The following FAM229B variants were observed in gnomAD, a reference collection of about 807,000 sequenced individuals.
FAM229B encodes family with sequence similarity 229 member B, also known as protein FAM229B.
FAM229B carries 2 observed loss-of-function variants against 6.7 expected under a neutral mutation model. The ratio of observed to expected loss-of-function variants is 0.30; its 90% CI spans 0.12 to 0.94. The LOEUF (loss-of-function observed/expected upper bound fraction) is 0.94, where lower values mean the gene tolerates loss of function less well. FAM229B is among the 40% of genes least tolerant of loss of function. FAM229B has a pLI of 0.54. For synonymous variants in FAM229B, 29 were observed against 34.0 expected, an observed-to-expected ratio of 0.85 and a Z score of 0.51; for missense variants, 93 against 96.2, an observed-to-expected ratio of 0.97 and a Z score of 0.14.
At chr6:112,091,020 AG>A (rs1777250763) in intron 1 of FAM229B, among the ~76,000 whole-genome samples, 1 of 151,626 alleles carries the variant, frequency 6.6e-6, no homozygotes, top group African/African-American at 2.4e-5. Context: ...CCCACCCTCC[AG>A]CTTTGCTACC....
At chr6:112,099,442 T>C (rs1777367740) in intron 3 of FAM229B, 34 bp downstream of exon 3, 5 of 1,582,968 alleles carry the variant, frequency 3.2e-6, no homozygotes, top group Non-Finnish European at 4.3e-6. Context: ...TGAGGAGATA[T>C]GTATTGGCTA....
rs782802532 is a variant in FAM229B at position 112,100,777 on chromosome 6, A to G, written c.233A>G (p.His78Arg). 1.9e-5 allele frequency: 31 copies of G among 1,611,600 alleles called. No homozygotes were observed. The highest frequency in any genetic ancestry group is 2.5e-5 in the Non-Finnish European group (30 of 1,177,832). ...CCTGCACAAAGCAGCAAGGAAATGC[A>G]TCCTAAATAGCACCATTAAGTCTTT... Reference protein sequence around the residue: ...KPPAQSSKEMHPK With the variant: ...KPPAQSSKEMRPK The change falls in exon 4 of 4, where the codon CAT becomes CGT. Residue 78 changes from histidine (H) to arginine (R), a missense_variant. His to Arg is a conservative substitution (Grantham distance 29). Coordinates refer to ENST00000368656, the MANE Select transcript of FAM229B (RefSeq NM_001033564.3).
intron 3 of FAM229B, 74 bp from the exon 4 acceptor site, chr6:112,100,596 A>C: frequency 1.0e-6 from 1 of 960,498 alleles, no homozygotes; most frequent in Admixed American, 1.9e-5. Flanking sequence ...ATATACAATC[A>C]AACTTTGGTG....
chr6:112,090,593 G>A (rs1277886693), intron 1 of FAM229B, among the ~76,000 whole-genome samples: 1 of 152,026 alleles, frequency 6.6e-6, no homozygotes, highest in Non-Finnish European at 1.5e-5. Flanking sequence ...TCTCAGTGGT[G>A]TAAAACAACA....
chr6:112,090,090 A>G (rs1777238184), intron 1 of FAM229B, among the ~76,000 whole-genome samples: 1 of 152,240 alleles, frequency 6.6e-6, no homozygotes. Flanking sequence ...CACATTCAGT[A>G]CTGGAAGGCA....
At chr6:112,088,049 A>G (rs782652959) in intron 1 of FAM229B, among the ~76,000 whole-genome samples, 30 of 152,224 alleles carry the variant, frequency 2.0e-4, no homozygotes, top group Non-Finnish European at 2.8e-4. Flanking sequence ...ATACTCCCCA[A>G]ATTAACTTGT....
In FAM229B at chr6:112,093,687, T is replaced by C. The variant is rs184565964; in HGVS notation, c.-175-3354T>C. On this transcript the variant is annotated intron_variant, in intron 1 of 3. Coordinates refer to ENST00000368656, the MANE Select transcript of FAM229B (RefSeq NM_001033564.3). ...ATTCTCTGACAAAAATGGAACCTAA[T>C]TAGAAATCAGTAACAGAAAAGTAGA... Among the ~76,000 whole-genome samples the C allele has an allele frequency of 2.4e-4, 36 of 151,230 alleles. 2 individuals carry two copies. In the East Asian group the frequency reaches 7.0e-3, roughly 29 times the overall value.
chr6:112,088,832 T>G (rs1777216329), intron 1 of FAM229B, among the ~76,000 whole-genome samples: 1 of 152,202 alleles, frequency 6.6e-6, no homozygotes, highest in African/African-American at 2.4e-5. Context: ...TCTGTATCAG[T>G]GTGTTATCAG....
chr6:112,088,676 G>C (rs900489869), intron 1 of FAM229B, among the ~76,000 whole-genome samples: 2 of 152,100 alleles, frequency 1.3e-5, no homozygotes, highest in Non-Finnish European at 2.9e-5. Context: ...TTTGTAGGCT[G>C]GATTTATTCT....
At position 112,102,591 on chromosome 6, in the gene FAM229B, G is replaced by A. The variant is rs1356628391; in HGVS notation, c.*1804G>A. 1 of 152,170 alleles carries A rather than the reference G, an allele frequency of 6.6e-6. No individual in the cohort carries two copies. The highest frequency in any genetic ancestry group is 6.5e-5 in the Admixed American group (1 of 15,272). 9.4% of individuals were successfully genotyped at this position (152,170 alleles called of 1,614,324 possible). A position where few individuals can be genotyped will look rare whatever the true frequency, so the allele number is the denominator to read the frequency against. ...TTTAATATAGTACATGGATCATTGA[G>A]TAGAGTCTTCAGCAAAATATTGGCA... On this transcript the variant is annotated 3_prime_UTR_variant, in exon 4 of 4. Transcript: ENST00000368656.
chr6:112,100,611 G>GA (rs1176050161), intron 3 of FAM229B, 59 bp from the exon 4 acceptor site: 36 of 1,204,542 alleles, frequency 3.0e-5, no homozygotes, highest in Non-Finnish European at 3.8e-5. Context: ...TTGGTGCTCT[G>GA]AAAAAAAATA....
intron 1 of FAM229B, among the ~76,000 whole-genome samples, chr6:112,094,960 G>A (rs1428571534): frequency 7.2e-5 from 11 of 152,140 alleles, no homozygotes; most frequent in African/African-American, 2.7e-4. Context: ...TCATTCTAAT[G>A]TTGTAAAGTT....
At chr6:112,095,368 A>T (rs1777307863) in intron 1 of FAM229B, among the ~76,000 whole-genome samples, 3 of 152,106 alleles carry the variant, frequency 2.0e-5, no homozygotes, top group Non-Finnish European at 2.9e-5. Context: ...CAGTGGGCTC[A>T]TGCCTGTAAC....
intron 2 of FAM229B, 48 bp from the exon 3 acceptor site, chr6:112,099,222 T>C: frequency 6.6e-7 from 1 of 1,525,898 alleles, no homozygotes; most frequent in South Asian, 1.2e-5. Context: ...ACCCCCAATA[T>C]TTTAATTTTC....
In FAM229B at chr6:112,102,714, A is replaced by C. The variant is rs587751980; in HGVS notation, c.*1927A>C. On this transcript the variant is annotated 3_prime_UTR_variant, in exon 4 of 4. Coordinates refer to ENST00000368656, the MANE Select transcript of FAM229B (RefSeq NM_001033564.3). The stretch of plus-strand genomic sequence containing the variant: ...TAAGAGCAACATTTGAAAGGATCAA[A>C]CTGATTTCAAGTAACTTGAGTGCAT... The C allele has an allele frequency of 6.6e-6, 1 of 152,260 alleles. No individual in the cohort carries two copies. Among genetic ancestry groups the C allele is most frequent in the African/African-American group, 2.4e-5 (1 of 41,534 alleles). 9.4% of individuals were successfully genotyped at this position (152,260 alleles called of 1,614,324 possible). A position where few individuals can be genotyped will look rare whatever the true frequency, so the allele number is the denominator to read the frequency against.
At chr6:112,088,212 G>A (rs1777205235) in intron 1 of FAM229B, among the ~76,000 whole-genome samples, 1 of 152,300 alleles carries the variant, frequency 6.6e-6, no homozygotes, top group East Asian at 1.9e-4. Context: ...ATGTAGATGA[G>A]TATGTAGAAG....
intron 1 of FAM229B, among the ~76,000 whole-genome samples, chr6:112,089,629 A>G (rs185590682): frequency 6.6e-6 from 1 of 152,328 alleles, no homozygotes; most frequent in African/African-American, 2.4e-5. Flanking sequence ...AACTGAAGAC[A>G]ACAACATCCA....
intron 1 of FAM229B, among the ~76,000 whole-genome samples, chr6:112,091,558 A>G (rs1183485371): frequency 2.0e-5 from 3 of 152,174 alleles, no homozygotes; most frequent in Non-Finnish European, 1.5e-5. Flanking sequence ...CTAGCTTAAG[A>G]GAGCATGAAA....
chr6:112,093,778 C>G (rs1474162358), intron 1 of FAM229B, among the ~76,000 whole-genome samples: 1 of 151,372 alleles, frequency 6.6e-6, no homozygotes, highest in Non-Finnish European at 1.5e-5. Flanking sequence ...CATATACATT[C>G]AAGTATGTGT....
Sources: gnomAD v4.1 joint callset for allele counts (sites outside exome capture counted in the v4.1 genomes callset) on GRCh38, gnomAD v4.1.1 for gene constraint, MANE v1.5 for transcripts, NCBI Gene and HGNC (gene_info 2026-07-23, HGNC 2026-07-21) for gene names.